PCSK5: variants seen among roughly 807,000 people sequenced by gnomAD.
PCSK5 encodes prohormone convertase 5.
PCSK5 carries 129 observed loss-of-function variants against 233.2 expected under a neutral mutation model. That is an observed-to-expected ratio of 0.55 (90% CI 0.48 to 0.64). The LOEUF is 0.64. Ranked by LOEUF, PCSK5 falls within the 30% of genes least tolerant of loss-of-function variation. The pLI is 0.00. For synonymous variants in PCSK5, 825 were observed against 879.2 expected (o/e 0.94, Z 1.09); for missense variants, 2,076 against 2,430.1 (o/e 0.85, Z 3.06).
chr9:75,991,666 G>A (rs1826773145), intron 3 of PCSK5, among the ~76,000 whole-genome samples: 1 of 152,138 alleles, frequency 6.6e-6, no homozygotes, highest in Non-Finnish European at 1.5e-5. Flanking sequence ...GAAAGGTCGT[G>A]AGGATTTGGC....
chr9:75,974,849 G>A (rs1825949720), intron 2 of PCSK5, among the ~76,000 whole-genome samples: 2 of 152,160 alleles, frequency 1.3e-5, no homozygotes, highest in Admixed American at 1.3e-4. Flanking sequence ...TTAACCTCAA[G>A]GGGACAGAAT....
rs144119068 is a variant in PCSK5, at chr9:76,133,317, A to G, written c.1209-792A>G. Among the ~76,000 whole-genome samples, 708 of 152,194 alleles carry G rather than the reference A, an allele frequency of 4.7e-3. 9 individuals carry two copies. Among genetic ancestry groups the G allele is most frequent in the African/African-American group, 0.016 (679 of 41,568 alleles). ...GAGTCAAATGGCTTCGAGTATATAC[A>G]TAGTCTATGAAAGGGAATAAAAGTC... On this transcript the variant is annotated intron_variant, in intron 9 of 37. Transcript: ENST00000674117.
At chr9:76,147,775 T>C (rs1823498831) in intron 10 of PCSK5, among the ~76,000 whole-genome samples, 1 of 152,154 alleles carries the variant, frequency 6.6e-6, no homozygotes, top group Non-Finnish European at 1.5e-5. Flanking sequence ...CAAATTGTGT[T>C]TTTCCTGCTG....
intron 5 of PCSK5, among the ~76,000 whole-genome samples, chr9:76,027,330 G>A (rs558018051): frequency 6.6e-6 from 1 of 152,144 alleles, no homozygotes; most frequent in Non-Finnish European, 1.5e-5. Flanking sequence ...CATTTGTTTA[G>A]GGACAGGGGT....
chr9:76,263,286 C>T (rs539276863), intron 24 of PCSK5, among the ~76,000 whole-genome samples: 1 of 152,254 alleles, frequency 6.6e-6, no homozygotes, highest in South Asian at 2.1e-4. Context: ...GGGTGTATAA[C>T]CAAAGGACTA....
intron 8 of PCSK5, among the ~76,000 whole-genome samples, chr9:76,103,303 C>G (rs1831839581): frequency 6.6e-6 from 1 of 152,140 alleles, no homozygotes; most frequent in Non-Finnish European, 1.5e-5. Flanking sequence ...ACCTAACAGA[C>G]AGTAAAATCA....
At chr9:76,200,423 C>T (rs187208119) in intron 20 of PCSK5, among the ~76,000 whole-genome samples, 39 of 152,272 alleles carry the variant, frequency 2.6e-4, no homozygotes, top group African/African-American at 7.2e-4. Flanking sequence ...CCCACACCTG[C>T]CCACCTCGTT....
chr9:75,949,015 A>T (rs1475196119), intron 2 of PCSK5, among the ~76,000 whole-genome samples: 4 of 151,250 alleles, frequency 2.6e-5, no homozygotes, highest in Admixed American at 2.0e-4. Context: ...AAAACCAAAA[A>T]ACTACTTTTG....
intron 5 of PCSK5, among the ~76,000 whole-genome samples, chr9:76,058,531 C>T (rs1394247198): frequency 1.3e-5 from 2 of 152,086 alleles, no homozygotes; most frequent in Non-Finnish European, 2.9e-5. Flanking sequence ...TCCTATTACC[C>T]GTACAGCCCA....
At chr9:76,202,692 G>C (rs1426076038) in intron 20 of PCSK5, among the ~76,000 whole-genome samples, 1 of 152,052 alleles carries the variant, frequency 6.6e-6, no homozygotes, top group African/African-American at 2.4e-5. Context: ...CTGGGCCTCA[G>C]TTTAAATGTC....
intron 1 of PCSK5, among the ~76,000 whole-genome samples, chr9:75,901,731 GA>G (rs1218304220): frequency 2.6e-5 from 4 of 152,044 alleles, no homozygotes; most frequent in Non-Finnish European, 2.9e-5. Flanking sequence ...ACACTTTTAG[GA>G]AATGCTGATA....
chr9:76,177,398 CTAAAAA>C (rs966618577), intron 14 of PCSK5, among the ~76,000 whole-genome samples: 1 of 152,116 alleles, frequency 6.6e-6, no homozygotes, highest in Non-Finnish European at 1.5e-5. Context: ...CCTCTAAATA[CTAAAAA>C]TAAAAGTACT....
chr9:76,326,879 A>G (rs1829376504), intron 32 of PCSK5, among the ~76,000 whole-genome samples: 1 of 152,130 alleles, frequency 6.6e-6, no homozygotes, highest in South Asian at 2.1e-4. Flanking sequence ...AACTTGAGAG[A>G]TGTCTTAGAT....
At chr9:76,170,081 T>C (rs1823265796) in intron 13 of PCSK5, among the ~76,000 whole-genome samples, 1 of 152,254 alleles carries the variant, frequency 6.6e-6, no homozygotes, top group African/African-American at 2.4e-5. Context: ...TTTTGATTGA[T>C]GTTTCAGAAT....
chr9:76,042,905 C>A (rs1428973163), intron 5 of PCSK5, among the ~76,000 whole-genome samples: 3 of 152,110 alleles, frequency 2.0e-5, no homozygotes, highest in Non-Finnish European at 2.9e-5. Context: ...TCAAAGGGGA[C>A]AGTGATGACA....
intron 14 of PCSK5, 103 bp downstream of exon 14, chr9:76,175,232 GAATGAA>G (rs777193227): frequency 1.5e-5 from 9 of 583,806 alleles, no homozygotes; most frequent in Non-Finnish European, 2.8e-6. Context: ...AAATGGAATG[GAATGAA>G]ATGGAATGGA....
chr9:75,999,576 T>C (rs1456871132), intron 3 of PCSK5, among the ~76,000 whole-genome samples: 2 of 152,246 alleles, frequency 1.3e-5, no homozygotes, highest in African/African-American at 4.8e-5. Flanking sequence ...AAGGCACAGA[T>C]CACTCATGCC....
intron 10 of PCSK5, among the ~76,000 whole-genome samples, chr9:76,135,552 C>A (rs889279249): frequency 2.6e-5 from 4 of 152,022 alleles, no homozygotes; most frequent in African/African-American, 9.7e-5. Flanking sequence ...TTCTCTGAAG[C>A]CCAAATCAGG....
intron 12 of PCSK5, 132 bp downstream of exon 12, chr9:76,159,303 T>G: frequency 1.4e-6 from 1 of 721,104 alleles, no homozygotes; most frequent in Non-Finnish European, 2.3e-6. Context: ...TGTCAGGATC[T>G]CACTGCTCAT....
Sources: gnomAD v4.1 joint callset for allele counts (sites outside exome capture counted in the v4.1 genomes callset) on GRCh38, gnomAD v4.1.1 for gene constraint, MANE v1.5 for transcripts, NCBI Gene and HGNC (gene_info 2026-07-23, HGNC 2026-07-21) for gene names.